TAF4: variants seen among roughly 807,000 people sequenced by gnomAD.
TAF4 encodes transcription initiation factor TFIID subunit 4.
Under a neutral mutation model 90.3 loss-of-function variants are expected in TAF4, and 9 were observed. The observed-to-expected ratio is 0.10, with a 90% CI of 0.06 to 0.17. The LOEUF is 0.17. Among genes scored for constraint, TAF4 ranks in the 10% least tolerant of loss-of-function variants. The probability of loss-of-function intolerance (pLI) is 1.00; values close to 1 mark genes in which losing one functional copy is unlikely to be tolerated. For synonymous variants in TAF4, 818 were observed against 638.9 expected, an observed-to-expected ratio of 1.28 and a Z score of -4.23; for missense variants, 1,351 against 1,370.7, an observed-to-expected ratio of 0.99 and a Z score of 0.23.
intron 1 of TAF4, among the ~76,000 whole-genome samples, chr20:62,053,701 C>A (rs1213178568): frequency 1.3e-5 from 2 of 152,244 alleles, no homozygotes; most frequent in African/African-American, 4.8e-5. Flanking sequence ...CCCTGGCCCA[C>A]CAAGGCCAAG....
intron 1 of TAF4, among the ~76,000 whole-genome samples, chr20:62,043,649 T>C (rs1340414216): frequency 6.6e-6 from 1 of 152,174 alleles, no homozygotes; most frequent in Admixed American, 6.5e-5. Context: ...CTAGTTTTAC[T>C]GTACCTTTTC....
chr20:61,985,566 CG>C (rs1437590389), intron 14 of TAF4, among the ~76,000 whole-genome samples: 2 of 151,924 alleles, frequency 1.3e-5, no homozygotes, highest in African/African-American at 4.8e-5. Context: ...GTAGTTAGCA[CG>C]TTTGTTTCTC....
chr20:62,008,379 G>A (rs894492003), intron 5 of TAF4, among the ~76,000 whole-genome samples: 13 of 152,304 alleles, frequency 8.5e-5, no homozygotes, highest in African/African-American at 2.9e-4. Flanking sequence ...CCTGAGCCAC[G>A]AGACAGCCAT....
chr20:62,045,088 C>A (rs1402874171), intron 1 of TAF4, among the ~76,000 whole-genome samples: 1 of 152,240 alleles, frequency 6.6e-6, no homozygotes, highest in Non-Finnish European at 1.5e-5. Context: ...ACAACGCCGA[C>A]ATGAAAACAC....
In TAF4 at chr20:62,065,462, C is replaced by G. The variant is rs1316404937; in HGVS notation, c.349G>C (p.Ala117Pro). 3.1e-6 allele frequency: 3 copies of G among 974,630 alleles called. No homozygotes were observed. Among genetic ancestry groups the G allele is most frequent in the Non-Finnish European group, 3.6e-6 (3 of 824,476 alleles). 60.4% of individuals were successfully genotyped at this position (974,630 alleles called of 1,614,324 possible). ...TTCGCGGCGGGCGGCGCGGGCCCTG[C>G]GGGGACAAGGGGGCGGCGCGGTGAG... is the stretch of plus-strand genomic sequence containing the variant. ...PPSPRRPLVP[A>P]GPAPPAAKLR... Residue 117 changes from alanine to proline, a missense_variant, in exon 1 of 15, where the codon GCA becomes CCA. Ala to Pro is a conservative substitution (Grantham distance 27). This residue lies in a region of TAF4 where 782 missense variants were observed against 536.6 expected (regional missense o/e 1.46). Transcript: ENST00000252996.
At chr20:62,001,086 G>T (rs2055698138) in intron 9 of TAF4, among the ~76,000 whole-genome samples, 1 of 152,214 alleles carries the variant, frequency 6.6e-6, no homozygotes, top group Non-Finnish European at 1.5e-5. Context: ...CTTTTTAAAG[G>T]CTCAGAAGTT....
At chr20:61,978,063 G>A (rs1447035067) in intron 14 of TAF4, among the ~76,000 whole-genome samples, 14 of 129,166 alleles carry the variant, frequency 1.1e-4, no homozygotes, top group African/African-American at 3.5e-4. Flanking sequence ...GGGAGGGCGC[G>A]ACACCAACCA....
chr20:62,015,282 G>A (rs1411916021), intron 1 of TAF4, among the ~76,000 whole-genome samples: 4 of 152,346 alleles, frequency 2.6e-5, no homozygotes, highest in African/African-American at 7.2e-5. Context: ...GCGCAGATGC[G>A]ACGCAACCCT....
At chr20:62,037,720 T>G (rs1453525099) in intron 1 of TAF4, 1 of 208,814 alleles carries the variant, frequency 4.8e-6, no homozygotes, top group Non-Finnish European at 1.0e-5. Context: ...ACCAACCCTG[T>G]GTCCAGCCCC....
chr20:61,997,427 T>A, intron 14 of TAF4, 123 bp downstream of exon 14: 1 of 1,222,956 alleles, frequency 8.2e-7, no homozygotes, highest in Non-Finnish European at 1.1e-6. Context: ...CCAGAAAAGG[T>A]GAGACAAAAT....
At chr20:61,993,321 T>C (rs2055643738) in intron 14 of TAF4, among the ~76,000 whole-genome samples, 1 of 152,066 alleles carries the variant, frequency 6.6e-6, no homozygotes, top group Admixed American at 6.5e-5. Flanking sequence ...CAGCCAGAGT[T>C]GGAGGAGTCT....
chr20:62,024,585 CAG>C (rs1013591683), intron 1 of TAF4, among the ~76,000 whole-genome samples: 1 of 152,126 alleles, frequency 6.6e-6, no homozygotes, highest in Non-Finnish European at 1.5e-5. Context: ...GAAAATAACC[CAG>C]GTTGGGCGTG....
At chr20:62,011,054 G>A (rs547035513) in intron 3 of TAF4, among the ~76,000 whole-genome samples, 2 of 152,286 alleles carry the variant, frequency 1.3e-5, no homozygotes, top group African/African-American at 4.8e-5. Context: ...GCTCTCTCCC[G>A]GTGGGTGCAG....
At chr20:62,035,443 T>C (rs1377866099) in intron 1 of TAF4, among the ~76,000 whole-genome samples, 2 of 152,166 alleles carry the variant, frequency 1.3e-5, no homozygotes, top group African/African-American at 4.8e-5. Context: ...AGACGGGCCA[T>C]GGAGACCACA....
chr20:62,007,480 T>TTA (rs1481388795), intron 6 of TAF4, 67 bp downstream of exon 6: 1 of 1,483,146 alleles, frequency 6.7e-7, no homozygotes, highest in Non-Finnish European at 9.4e-7. Context: ...CCCTGCACAC[T>TTA]TGGTGCATCT....
chr20:62,065,203 G>A lies in TAF4; in HGVS notation c.608C>T (p.Ala203Val). 1 of 1,186,286 alleles carries A rather than the reference G, an allele frequency of 8.4e-7. No homozygotes were observed. The highest frequency in any genetic ancestry group is 1.1e-6 in the Non-Finnish European group (1 of 935,288). The allele number at this position is 1,186,286 out of a possible 1,614,324, so 73.5% of individuals were successfully genotyped here. ...GGCGGCGTGGTGCGAGTTCAGCAGCGCGGCGCTCCCATTCAAAGTTTGCGC... is the reference window on the plus strand; with the variant it reads ...GGCGGCGTGGTGCGAGTTCAGCAGCACGGCGCTCCCATTCAAAGTTTGCGC... ...GAAQTLNGSA[A>V]LLNSHHAAAP... The change falls in exon 1 of 15, where the codon GCG (alanine) becomes GTG (valine). Residue 203 changes from alanine to valine, a missense_variant. By Grantham distance (64) the Ala-to-Val change is moderately conservative. Around this residue, in one of 9 missense-constraint regions of TAF4, gnomAD observed 782 missense variants for 536.6 expected, o/e 1.46. Transcript: ENST00000252996.
At chr20:62,026,955 T>A (rs1463475732) in intron 1 of TAF4, among the ~76,000 whole-genome samples, 1 of 152,244 alleles carries the variant, frequency 6.6e-6, no homozygotes, top group African/African-American at 2.4e-5. Context: ...CCGTGGAGAC[T>A]TCTACTCATG....
intron 1 of TAF4, among the ~76,000 whole-genome samples, chr20:62,044,281 T>C (rs1346284047): frequency 1.3e-5 from 2 of 152,222 alleles, no homozygotes; most frequent in Non-Finnish European, 2.9e-5. Context: ...CTCCAGATTA[T>C]ATTAAGAAAA....
At chr20:62,055,609 C>T (rs1255811595) in intron 1 of TAF4, among the ~76,000 whole-genome samples, 1 of 151,126 alleles carries the variant, frequency 6.6e-6, no homozygotes, top group Non-Finnish European at 1.5e-5. Flanking sequence ...TATCAATTCA[C>T]ACTATCAGAG....
Sources: allele counts gnomAD v4.1 joint callset (sites outside exome capture counted in the v4.1 genomes callset), GRCh38; gene constraint gnomAD v4.1.1; regional missense constraint gnomAD v4.1.1; transcripts MANE v1.5; gene names NCBI Gene and HGNC (gene_info 2026-07-23, HGNC 2026-07-21).